The following THEMIS variants were observed in gnomAD, a reference collection of about 807,000 sequenced individuals.
THEMIS encodes the protein thymocyte selection associated.
THEMIS carries 37 observed loss-of-function variants against 52.6 expected under a neutral mutation model. The ratio of observed to expected loss-of-function variants is 0.70; its 90% CI spans 0.54 to 0.93. The LOEUF (loss-of-function observed/expected upper bound fraction) is 0.93. THEMIS is among the 40% of genes least tolerant of loss of function. The probability of loss-of-function intolerance (pLI) is 0.00; values close to 1 mark genes in which losing one functional copy is unlikely to be tolerated. For missense variants in THEMIS, 808 were observed against 763.1 expected (o/e 1.06, Z -0.69); for synonymous variants, 292 against 272.7 (o/e 1.07, Z -0.70).
At chr6:127,727,114 C>T (rs1247802382) in intron 4 of THEMIS, among the ~76,000 whole-genome samples, 1 of 152,160 alleles carries the variant, frequency 6.6e-6, no homozygotes, top group Non-Finnish European at 1.5e-5. Context: ...TTGGCTTACT[C>T]AAAATGCTGA....
rs1031403293 is a variant in THEMIS at position 127,760,366 on chromosome 6, C to T, written c.1759-40543G>A. Among the ~76,000 whole-genome samples, 4 of 151,984 alleles carry T rather than the reference C, an allele frequency of 2.6e-5. No individual in the cohort carries two copies. The East Asian group carries it at 7.7e-4, about 29-fold the overall frequency. On this transcript the variant is annotated intron_variant, in intron 4 of 5. Transcript: ENST00000368248. ...TCAATAGTGATTTGACTATTCATGG[C>T]CTTCATGGTTTCATATGACTTTCAG...
At position 127,748,808 on chromosome 6, in the gene THEMIS, A is replaced by G. The variant is rs9491863; in HGVS notation, c.1759-28985T>C. 1.5e-3 allele frequency among the ~76,000 whole-genome samples: 229 copies of G among 152,190 alleles called. 1 individual carries two copies. Among genetic ancestry groups the G allele is most frequent in the African/African-American group, 4.9e-3 (204 of 41,554 alleles). ...AAACTCAATTTCCAGGTTAACCTATAATAATATAATTATATACTATTTAGA... is the reference window on the plus strand; with the variant it reads ...AAACTCAATTTCCAGGTTAACCTATGATAATATAATTATATACTATTTAGA... On this transcript the variant is annotated intron_variant, in intron 4 of 5. Coordinates refer to ENST00000368248, the MANE Select transcript of THEMIS (RefSeq NM_001010923.3).
intron 3 of THEMIS, among the ~76,000 whole-genome samples, chr6:127,821,261 G>C (rs1249623886): frequency 2.0e-5 from 3 of 151,762 alleles, no homozygotes; most frequent in African/African-American, 4.8e-5. Context: ...CCCCAAAAAA[G>C]ACCAAAGAGT....
chr6:127,778,676 C>T (rs1776643221), intron 4 of THEMIS, among the ~76,000 whole-genome samples: 1 of 152,014 alleles, frequency 6.6e-6, no homozygotes, highest in Admixed American at 6.5e-5. Context: ...GCCATGTGTT[C>T]ATTAAAAGGA....
chr6:127,901,096 C>A, upstream of THEMIS: 3 of 593,886 alleles, frequency 5.1e-6, no homozygotes, highest in Non-Finnish European at 9.0e-6. Context: ...GTGGGGAGGA[C>A]AATGAAGAGG....
chr6:127,820,584 C>G (rs985078328), intron 3 of THEMIS, among the ~76,000 whole-genome samples: 5 of 151,936 alleles, frequency 3.3e-5, no homozygotes, highest in Non-Finnish European at 4.4e-5. Flanking sequence ...TAAGAAAGAC[C>G]AAATTACAAT....
At position 127,812,961 on chromosome 6, in the gene THEMIS, G is replaced by A; in HGVS notation, c.1680C>T (p.His560=). ...TTAACTTTGTTTCCTCTACTGAGGG[G>A]TGTTTCGGAGGGCGAGGTGGGGGAT... ...ASHPPPRPPK[H]PSVEETKLTL... is the part of the protein sequence containing the mutation. The change falls in exon 4 of 6, where the codon CAC becomes CAT. Residue 560 remains histidine (H), a synonymous_variant. Coordinates refer to ENST00000368248, the MANE Select transcript of THEMIS (RefSeq NM_001010923.3). 1 of 1,614,058 alleles carries A rather than the reference G, an allele frequency of 6.2e-7. No individual in the cohort carries two copies. Among genetic ancestry groups the A allele is most frequent in the Non-Finnish European group, 8.5e-7 (1 of 1,180,002 alleles).
chr6:127,815,789 T>C (rs1310561250), intron 3 of THEMIS, among the ~76,000 whole-genome samples: 1 of 152,182 alleles, frequency 6.6e-6, no homozygotes, highest in African/African-American at 2.4e-5. Flanking sequence ...GCTCATGCTA[T>C]TCCTCAAGTC....
Position 127,708,779 on chromosome 6 carries a change from A to C in THEMIS, c.*1206T>G, listed in dbSNP as rs145186546. 1 of 152,130 alleles carries C rather than the reference A, an allele frequency of 6.6e-6. No individual in the cohort carries two copies. Among genetic ancestry groups the C allele is most frequent in the East Asian group, 1.9e-4 (1 of 5,168 alleles). The allele number at this position is 152,130 out of a possible 1,614,324, so 9.4% of individuals were successfully genotyped here. ...GTAAAGTAAGCTTAATCAGAATATA[A>C]ACATTGAAAAAACTCTAATTTTTTT... On this transcript the variant is annotated 3_prime_UTR_variant, in exon 6 of 6. Transcript: ENST00000368248.
At chr6:127,734,609 G>T (rs1395599924) in intron 4 of THEMIS, among the ~76,000 whole-genome samples, 1 of 151,898 alleles carries the variant, frequency 6.6e-6, no homozygotes, top group Non-Finnish European at 1.5e-5. Context: ...TGTGGCTCAC[G>T]CCTGTAATCC....
intron 2 of THEMIS, among the ~76,000 whole-genome samples, chr6:127,845,912 A>G (rs1779197028): frequency 6.6e-6 from 1 of 151,950 alleles, no homozygotes; most frequent in African/African-American, 2.4e-5. Context: ...GACTGTTTGC[A>G]TACGCAAGAA....
intron 3 of THEMIS, among the ~76,000 whole-genome samples, chr6:127,827,052 A>G (rs1230143418): frequency 6.6e-6 from 1 of 152,116 alleles, no homozygotes; most frequent in Non-Finnish European, 1.5e-5. Flanking sequence ...CTTTTCAGCA[A>G]ACATGGCTCC....
At chr6:127,800,386 C>T (rs1258906274) in intron 4 of THEMIS, among the ~76,000 whole-genome samples, 5 of 152,182 alleles carry the variant, frequency 3.3e-5, no homozygotes, top group Non-Finnish European at 7.3e-5. Flanking sequence ...TTATTTATCA[C>T]ATATTTGTTG....
chr6:127,785,491 AC>A (rs1445645939), intron 4 of THEMIS, among the ~76,000 whole-genome samples: 6 of 151,116 alleles, frequency 4.0e-5, no homozygotes, highest in Non-Finnish European at 5.9e-5. Context: ...AAAAAAAAAA[AC>A]AATACTTTCT....
chr6:127,833,596 T>G (rs1778773474), intron 2 of THEMIS, among the ~76,000 whole-genome samples: 1 of 152,262 alleles, frequency 6.6e-6, no homozygotes, highest in East Asian at 1.9e-4. Flanking sequence ...TGTTTATGGG[T>G]CTCACCAGCC....
rs139634225 is a variant in THEMIS at position 127,894,110 on chromosome 6, A to C, written c.91+6732T>G. Among the ~76,000 whole-genome samples the C allele has an allele frequency of 1.4e-3, 215 of 152,242 alleles. 2 individuals are homozygous for C. Among genetic ancestry groups the C allele is most frequent in the Non-Finnish European group, 4.4e-4 (30 of 67,994 alleles). Reference sequence around the variant, plus strand: ...AGTGAACCAGATAGATGTACAACAGATAAAGTAAATGAGAGATTAAGCATA... The same window carrying C: ...AGTGAACCAGATAGATGTACAACAGCTAAAGTAAATGAGAGATTAAGCATA... On this transcript the variant is annotated intron_variant, in intron 1 of 5. Coordinates refer to ENST00000368248, the MANE Select transcript of THEMIS (RefSeq NM_001010923.3).
intron 4 of THEMIS, among the ~76,000 whole-genome samples, chr6:127,755,213 G>A (rs2114356842): frequency 6.6e-6 from 1 of 152,238 alleles, no homozygotes; most frequent in East Asian, 1.9e-4. Context: ...TAGATTTGAA[G>A]ACAAAATTGG....
At chr6:127,752,110 A>G (rs1355251688) in intron 4 of THEMIS, among the ~76,000 whole-genome samples, 3 of 151,762 alleles carry the variant, frequency 2.0e-5, no homozygotes, top group African/African-American at 7.2e-5. Context: ...GTGTCTTGGG[A>G]CAAACAAAAA....
At chr6:127,914,854 A>T (rs773789698) in intron 1 of THEMIS, among the ~76,000 whole-genome samples, 27 of 152,208 alleles carry the variant, frequency 1.8e-4, no homozygotes, top group Non-Finnish European at 3.4e-4. Flanking sequence ...TTTGTTTGAA[A>T]CAAAGTAATA....
Sources: gnomAD v4.1 joint callset for allele counts (sites outside exome capture counted in the v4.1 genomes callset) on GRCh38, gnomAD v4.1.1 for gene constraint, MANE v1.5 for transcripts, NCBI Gene and HGNC (gene_info 2026-07-23, HGNC 2026-07-21) for gene names.